The following ESYT1 variants were observed in gnomAD, a reference collection of about 807,000 sequenced individuals.
The protein encoded by ESYT1 is extended synaptotagmin 1, also known as extended synaptotagmin-1.
A neutral mutation model predicts 154.2 loss-of-function variants in ESYT1; 116 were observed. That is an observed-to-expected ratio of 0.75 (90% CI 0.65 to 0.88). The LOEUF (loss-of-function observed/expected upper bound fraction) is 0.88, where lower values mean the gene tolerates loss of function less well. ESYT1 is among the 40% of genes least tolerant of loss of function. The pLI is 0.00. For synonymous variants in ESYT1, 500 were observed against 539.9 expected (o/e 0.93, Z 1.02); for missense variants, 1,264 against 1,379.3 (o/e 0.92, Z 1.32).
intron 3 of ESYT1, 45 bp downstream of exon 3, chr12:56,130,970 G>T: frequency 1.2e-6 from 2 of 1,614,126 alleles, no homozygotes; most frequent in South Asian, 1.1e-5. Context: ...TAGGGAGGGT[G>T]AGTGGCCCGG....
intron 15 of ESYT1, among the ~76,000 whole-genome samples, chr12:56,136,471 G>T (rs969561361): frequency 2.6e-5 from 4 of 151,592 alleles, no homozygotes; most frequent in African/African-American, 9.7e-5. Flanking sequence ...TGCGCCTGTA[G>T]TCCCAGCTAT....
At chr12:56,129,676 CTCA>C (rs534029534) in intron 1 of ESYT1, 31 of 152,366 alleles carry the variant, frequency 2.0e-4, no homozygotes, top group African/African-American at 7.0e-4. Flanking sequence ...TTGTCTCCTC[CTCA>C]TCATCATGGA....
At chr12:56,130,254 A>G in intron 1 of ESYT1, 1 of 428,820 alleles carries the variant, frequency 2.3e-6, no homozygotes, top group Non-Finnish European at 4.3e-6. Flanking sequence ...TCAAACTCCA[A>G]TTTGACTGGA....
Position 56,131,308 on chromosome 12 carries a change from G to A in ESYT1, c.706G>A (p.Gly236Ser), listed in dbSNP as rs1323456785. Residue 236 changes from glycine (G) to serine (S), a missense_variant, in exon 5 of 31, where the codon GGC (glycine) becomes AGC (serine). Gly to Ser is a moderately conservative substitution (Grantham distance 56). Transcript: ENST00000394048. ...KKYFCKAGVKGMQLHGVLRVI... is the reference protein window; with the variant it reads ...KKYFCKAGVKSMQLHGVLRVI... ...ATATTTTTGCAAAGCAGGAGTCAAG[G>A]GCATGCAGGTAGGCCAGATGTCAGG... is the stretch of plus-strand genomic sequence containing the variant. 6.2e-7 allele frequency: 1 copy of A among 1,614,068 alleles called. No individual in the cohort carries two copies. Among genetic ancestry groups the A allele is most frequent in the Admixed American group, 1.7e-5 (1 of 60,008 alleles).
chr12:56,134,626 T>A (rs894099222), intron 15 of ESYT1, among the ~76,000 whole-genome samples, 198 bp downstream of exon 15: 1 of 150,436 alleles, frequency 6.6e-6, no homozygotes, highest in Non-Finnish European at 1.5e-5. Context: ...TGAGATGGAG[T>A]CTCGCTCTGT....
chr12:56,141,672 GGAGCTTGCAGTGAGCT>G (rs1870701408), intron 24 of ESYT1, among the ~76,000 whole-genome samples: 1 of 152,106 alleles, frequency 6.6e-6, no homozygotes, highest in African/African-American at 2.4e-5. Flanking sequence ...CCCAGGAGGC[GGAGCTTGCAGTGAGCT>G]GAGATTGCGC....
In ESYT1 at chr12:56,138,009, A is replaced by G. The variant is rs1255757025; in HGVS notation, c.2199-17A>G. On this transcript the variant is annotated splice_polypyrimidine_tract_variant and intron_variant, in intron 19 of 30. Coordinates refer to ENST00000394048, the MANE Select transcript of ESYT1 (RefSeq NM_015292.3). The stretch of plus-strand genomic sequence containing the variant: ...TTCTCACCATCTAGCTTTTGTCTTA[A>G]TCTTTCTCTTCAACAGGTGTAAAGT... 3.1e-6 allele frequency: 5 copies of G among 1,613,990 alleles called. No individual in the cohort carries two copies. The South Asian group carries it at 5.5e-5, about 18-fold the overall frequency.
In ESYT1 at chr12:56,131,885, C is replaced by G; in HGVS notation, c.860+81C>G. 1.2e-5 allele frequency: 17 copies of G among 1,398,284 alleles called. No homozygotes were observed. The South Asian group carries it at 1.9e-4, about 15-fold the overall frequency. The allele number at this position is 1,398,284 out of a possible 1,614,324, so 86.6% of individuals were successfully genotyped here. A position where few individuals can be genotyped will look rare whatever the true frequency, so the allele number is the denominator to read the frequency against. On this transcript the variant is annotated intron_variant, in intron 7 of 30. Transcript: ENST00000394048. ...AAGGGACACAGAGCAGTCAAAGATGCTGCTTGTGTCCTCTAGGAGCCTCAA... is the reference window on the plus strand; with the variant it reads ...AAGGGACACAGAGCAGTCAAAGATGGTGCTTGTGTCCTCTAGGAGCCTCAA...
chr12:56,128,798 T>G, intron 1 of ESYT1, 89 bp downstream of exon 1: 1 of 1,526,534 alleles, frequency 6.6e-7, no homozygotes, highest in Non-Finnish European at 8.9e-7. Context: ...TAGAGTCAGC[T>G]CCCTGCCTTG....
At chr12:56,129,758 G>A (rs570615809) in intron 1 of ESYT1, 1 of 152,290 alleles carries the variant, frequency 6.6e-6, no homozygotes, top group African/African-American at 2.4e-5. Context: ...CACAGAGAAA[G>A]ATAGAGGAAA....
intron 13 of ESYT1, 47 bp from the exon 14 acceptor site, chr12:56,134,063 A>C: frequency 6.2e-7 from 1 of 1,611,042 alleles, no homozygotes; most frequent in South Asian, 1.1e-5. Context: ...ACCAAAACCA[A>C]AACCGAATCC....
rs541518352 is a variant in ESYT1 at position 56,132,551 on chromosome 12, G to A, written c.1115G>A (p.Arg372His). 2.6e-5 allele frequency: 42 copies of A among 1,614,074 alleles called. No individual in the cohort carries two copies. The highest frequency in any genetic ancestry group is 3.3e-5 in the Non-Finnish European group (39 of 1,180,046). ...VRLGTQTFCSRVIDEELNPQW... is the reference protein window; with the variant it reads ...VRLGTQTFCSHVIDEELNPQW... ...TTGGGTACCCAGACATTCTGCAGTC[G>A]TGTCATTGATGAAGAACTCAACCCA... Residue 372 changes from arginine to histidine, a missense_variant, in exon 9 of 31, where the codon CGT (arginine) becomes CAT (histidine). Arg to His is a conservative substitution (Grantham distance 29). Coordinates refer to ENST00000394048, the MANE Select transcript of ESYT1 (RefSeq NM_015292.3).
At chr12:56,130,012 C>G (rs1870166515) in intron 1 of ESYT1, among the ~76,000 whole-genome samples, 1 of 152,034 alleles carries the variant, frequency 6.6e-6, no homozygotes, top group African/African-American at 2.4e-5. Context: ...TCTGCCTCTT[C>G]AAGCGATTCT....
In ESYT1 at chr12:56,144,196, G is replaced by T; in HGVS notation, c.*334G>T. 1 of 1,239,736 alleles carries T rather than the reference G, an allele frequency of 8.1e-7. No individual in the cohort carries two copies. Among genetic ancestry groups the T allele is most frequent in the Non-Finnish European group, 1.0e-6 (1 of 984,614 alleles). 76.8% of individuals were successfully genotyped at this position (1,239,736 alleles called of 1,614,324 possible). A position where few individuals can be genotyped will look rare whatever the true frequency, so the allele number is the denominator to read the frequency against. Reference sequence around the variant, plus strand: ...AGTGGCAGCACTAGCAGTGGTATTAGCTTATGCCAAATACAGCTTTGGAAG... The same window carrying T: ...AGTGGCAGCACTAGCAGTGGTATTATCTTATGCCAAATACAGCTTTGGAAG... On this transcript the variant is annotated 3_prime_UTR_variant, in exon 31 of 31. Coordinates refer to ENST00000394048, the MANE Select transcript of ESYT1 (RefSeq NM_015292.3).
chr12:56,131,026 T>TTCTC lies in ESYT1; in HGVS notation c.568-9_568-6dup. On this transcript the variant is annotated splice_polypyrimidine_tract_variant and intron_variant, in intron 3 of 30. Coordinates refer to ENST00000394048, the MANE Select transcript of ESYT1 (RefSeq NM_015292.3). Reference sequence around the variant, plus strand: ...CCTATCCCTGCCCTCTCTCAGGAATTTCTCTCTCCCTAGCCATTGCGCATC... The same window carrying TTCTC: ...CCTATCCCTGCCCTCTCTCAGGAATTTCTCTCTCTCTCCCTAGCCATTGCGCATC... 1 of 1,614,198 alleles carries TTCTC rather than the reference T, an allele frequency of 6.2e-7. No individual in the cohort carries two copies. Among genetic ancestry groups the TTCTC allele is most frequent in the Non-Finnish European group, 8.5e-7 (1 of 1,180,024 alleles).
At chr12:56,134,812 T>C (rs1870385091) in intron 15 of ESYT1, among the ~76,000 whole-genome samples, 1 of 152,022 alleles carries the variant, frequency 6.6e-6, no homozygotes, top group Non-Finnish European at 1.5e-5. Context: ...CTGGCCAGGC[T>C]GGTCTCGAAC....
chr12:56,138,342 A>C, intron 21 of ESYT1, 62 bp from the exon 22 acceptor site: 1 of 1,611,684 alleles, frequency 6.2e-7, no homozygotes, highest in South Asian at 1.1e-5. Context: ...TTAGCGTTCA[A>C]GGCACATGCC....
chr12:56,128,855 C>A, intron 1 of ESYT1, 146 bp downstream of exon 1: 2 of 985,232 alleles, frequency 2.0e-6, no homozygotes, highest in Non-Finnish European at 3.0e-6. Context: ...TAGCCGCCTG[C>A]CTGCTGGACG....
chr12:56,137,105 C>A, intron 16 of ESYT1, 113 bp from the exon 17 acceptor site: 1 of 1,418,496 alleles, frequency 7.0e-7, no homozygotes, highest in Non-Finnish European at 9.8e-7. Flanking sequence ...TGAGCCCAGC[C>A]AGGGCAGCAC....
Sources: allele counts gnomAD v4.1 joint callset (sites outside exome capture counted in the v4.1 genomes callset), GRCh38; gene constraint gnomAD v4.1.1; transcripts MANE v1.5; gene names NCBI Gene and HGNC (gene_info 2026-07-23, HGNC 2026-07-21).